Variants in L3MBTL4 observed in about 807,000 individuals in gnomAD.
L3MBTL4 encodes L3MBTL histone methyl-lysine binding protein 4.
L3MBTL4 carries 70 observed loss-of-function variants against 84.5 expected under a neutral mutation model. The observed-to-expected ratio is 0.83, with a 90% CI of 0.68 to 1.01. The LOEUF (loss-of-function observed/expected upper bound fraction) is 1.01. Among genes scored for constraint, L3MBTL4 ranks in the 50% least tolerant of loss-of-function variants. L3MBTL4 has a pLI of 0.00. For synonymous variants in L3MBTL4, 274 were observed against 259.8 expected (o/e 1.05, Z -0.52); for missense variants, 715 against 754.8 (o/e 0.95, Z 0.62).
rs545952231 is a variant in L3MBTL4, at chr18:6,197,445, G to A, written c.981+15704C>T. 1.2e-3 allele frequency among the ~76,000 whole-genome samples: 184 copies of A among 152,260 alleles called. 1 individual carries two copies. In the South Asian group the frequency reaches 0.016, roughly 14 times the overall value. ...ATGTCCCTGTAAAGGACATGATTTT[G>A]TTCCTCTTTATGGCTGCATAGTATT... On this transcript the variant is annotated intron_variant, in intron 12 of 18. Transcript: ENST00000317931.
intron 13 of L3MBTL4, among the ~76,000 whole-genome samples, chr18:6,139,832 T>G (rs2060141038): frequency 6.6e-6 from 1 of 152,092 alleles, no homozygotes; most frequent in Non-Finnish European, 1.5e-5. Context: ...GGGCCACACC[T>G]CTGAGGCTCC....
chr18:6,273,534 T>C (rs2048958153), intron 4 of L3MBTL4, among the ~76,000 whole-genome samples: 1 of 152,150 alleles, frequency 6.6e-6, no homozygotes, highest in African/African-American at 2.4e-5. Flanking sequence ...AACTGGTGGT[T>C]CTACAGAGGA....
At chr18:6,166,772 G>C (rs2043682724) in intron 13 of L3MBTL4, among the ~76,000 whole-genome samples, 2 of 152,162 alleles carry the variant, frequency 1.3e-5, no homozygotes, top group South Asian at 2.1e-4. Context: ...AAAAGAACTA[G>C]AGAAGCAAGA....
chr18:6,361,769 T>A (rs2053704697), intron 1 of L3MBTL4, among the ~76,000 whole-genome samples: 1 of 152,072 alleles, frequency 6.6e-6, no homozygotes, highest in Non-Finnish European at 1.5e-5. Flanking sequence ...ATGTACGTCG[T>A]CTCTTTCCTT....
At chr18:6,352,573 G>A (rs1279044662) in intron 1 of L3MBTL4, among the ~76,000 whole-genome samples, 1 of 152,142 alleles carries the variant, frequency 6.6e-6, no homozygotes, top group Non-Finnish European at 1.5e-5. Flanking sequence ...TCACTGCCAG[G>A]TACTTAACAT....
At chr18:6,357,683 A>G (rs2053507461) in intron 1 of L3MBTL4, among the ~76,000 whole-genome samples, 1 of 152,214 alleles carries the variant, frequency 6.6e-6, no homozygotes, top group Admixed American at 6.5e-5. Context: ...CTTTTGAAAA[A>G]AAACAATATC....
chr18:6,365,273 A>T (rs1044323210), intron 1 of L3MBTL4, among the ~76,000 whole-genome samples: 2 of 152,108 alleles, frequency 1.3e-5, no homozygotes, highest in African/African-American at 4.8e-5. Flanking sequence ...GCAAAAAAAG[A>T]GAGGAAGAGA....
intron 14 of L3MBTL4, among the ~76,000 whole-genome samples, chr18:6,127,574 G>A (rs910579304): frequency 3.3e-5 from 5 of 152,152 alleles, no homozygotes; most frequent in Admixed American, 6.5e-5. Context: ...TTGTCCTTGC[G>A]AATAAATCCT....
intron 1 of L3MBTL4, among the ~76,000 whole-genome samples, chr18:6,344,567 A>G (rs1442974384): frequency 6.6e-6 from 1 of 152,208 alleles, no homozygotes; most frequent in Non-Finnish European, 1.5e-5. Flanking sequence ...GATAGCAAAG[A>G]CAGACAAGGT....
intron 12 of L3MBTL4, among the ~76,000 whole-genome samples, chr18:6,179,992 G>C (rs2044396109): frequency 1.3e-5 from 2 of 152,092 alleles, no homozygotes; most frequent in Admixed American, 6.6e-5. Context: ...TGATTAATAG[G>C]GGCCTCACAG....
intron 4 of L3MBTL4, among the ~76,000 whole-genome samples, chr18:6,295,367 T>G (rs902492024): frequency 1.4e-5 from 2 of 148,128 alleles, no homozygotes; most frequent in African/African-American, 5.0e-5. Flanking sequence ...TATATATATA[T>G]ATATACAGCC....
At chr18:6,269,536 G>A (rs927671979) in intron 4 of L3MBTL4, among the ~76,000 whole-genome samples, 3 of 152,062 alleles carry the variant, frequency 2.0e-5, no homozygotes, top group African/African-American at 7.2e-5. Flanking sequence ...AAATTAAGAT[G>A]TTACAATTCA....
At chr18:6,404,924 G>A (rs2055662554) in intron 1 of L3MBTL4, among the ~76,000 whole-genome samples, 1 of 151,666 alleles carries the variant, frequency 6.6e-6, no homozygotes, top group African/African-American at 2.4e-5. Flanking sequence ...TTGAACTCCT[G>A]GGCTCAAGCA....
chr18:6,163,813 G>C (rs2043489902), intron 13 of L3MBTL4, among the ~76,000 whole-genome samples: 1 of 152,156 alleles, frequency 6.6e-6, no homozygotes, highest in East Asian at 1.9e-4. Context: ...CATCACACTG[G>C]GGAACGCTGG....
At chr18:6,094,071 G>C (rs1202107010) in intron 14 of L3MBTL4, among the ~76,000 whole-genome samples, 1 of 152,206 alleles carries the variant, frequency 6.6e-6, no homozygotes, top group Non-Finnish European at 1.5e-5. Context: ...TGAGAGAGGA[G>C]AGGCCCAAGC....
At chr18:6,148,220 T>G (rs1248147604) in intron 13 of L3MBTL4, among the ~76,000 whole-genome samples, 1 of 152,224 alleles carries the variant, frequency 6.6e-6, no homozygotes, top group Non-Finnish European at 1.5e-5. Flanking sequence ...AATGTCACAT[T>G]AGTATTTTAA....
chr18:6,039,656 C>T (rs964758686), intron 16 of L3MBTL4, among the ~76,000 whole-genome samples: 4 of 152,210 alleles, frequency 2.6e-5, no homozygotes, highest in African/African-American at 9.6e-5. Flanking sequence ...CATCCTGTTT[C>T]CTGGGCCCTA....
At chr18:6,064,887 T>C (rs891430910) in intron 16 of L3MBTL4, among the ~76,000 whole-genome samples, 4 of 152,078 alleles carry the variant, frequency 2.6e-5, no homozygotes, top group Admixed American at 6.6e-5. Flanking sequence ...CAGTATTATG[T>C]TGAATAGAAG....
At chr18:6,152,246 CA>C in intron 13 of L3MBTL4, among the ~76,000 whole-genome samples, 1 of 152,170 alleles carries the variant, frequency 6.6e-6, no homozygotes, top group Non-Finnish European at 1.5e-5. Context: ...GATACATACC[CA>C]AAAGAGGGAT....
Sources: gnomAD v4.1 joint callset for allele counts (sites outside exome capture counted in the v4.1 genomes callset) on GRCh38, gnomAD v4.1.1 for gene constraint, MANE v1.5 for transcripts, NCBI Gene and HGNC (gene_info 2026-07-23, HGNC 2026-07-21) for gene names.